The following GGNBP2 variants were observed in gnomAD, a reference collection of about 807,000 sequenced individuals.
GGNBP2 encodes gametogenetin binding protein 2.
In GGNBP2, 10 loss-of-function variants were observed where a neutral mutation model predicts 85.9. That is an observed-to-expected ratio of 0.12 (90% CI 0.07 to 0.20). GGNBP2 has a LOEUF of 0.20. GGNBP2 is among the 10% of genes least tolerant of loss of function. The probability of loss-of-function intolerance (pLI) is 1.00; values close to 1 mark genes in which losing one functional copy is unlikely to be tolerated. For synonymous variants in GGNBP2, 287 were observed against 285.7 expected (o/e 1.00, Z -0.05); for missense variants, 595 against 857.8 (o/e 0.69, Z 3.83).
chr17:36,563,339 A>G (rs1463572158), intron 5 of GGNBP2, among the ~76,000 whole-genome samples: 3 of 152,138 alleles, frequency 2.0e-5, no homozygotes, highest in African/African-American at 4.8e-5. Flanking sequence ...AAAAAATACA[A>G]TGATTGAACC....
At chr17:36,557,926 A>G (rs1486474314) in intron 4 of GGNBP2, among the ~76,000 whole-genome samples, 1 of 151,252 alleles carries the variant, frequency 6.6e-6, no homozygotes, top group Non-Finnish European at 1.5e-5. Flanking sequence ...ATCCTGACCA[A>G]CGTGGTGAAA....
At chr17:36,583,266 A>G (rs948767767) in intron 9 of GGNBP2, among the ~76,000 whole-genome samples, 17 of 151,474 alleles carry the variant, frequency 1.1e-4, no homozygotes, top group Admixed American at 7.9e-4. Context: ...GTTGGCCAGG[A>G]TGGCCTCGAT....
chr17:36,561,214 C>A (rs1027447141), intron 5 of GGNBP2, among the ~76,000 whole-genome samples: 1 of 152,020 alleles, frequency 6.6e-6, no homozygotes, highest in Non-Finnish European at 1.5e-5. Context: ...ACCTCCACCT[C>A]CCTGGTTCAA....
In GGNBP2 at chr17:36,585,311, C is replaced by G; in HGVS notation, c.1227C>G (p.Phe409Leu). The G allele has an allele frequency of 6.2e-7, 1 of 1,611,944 alleles. No individual in the cohort carries two copies. The highest frequency in any genetic ancestry group is 8.5e-7 in the Non-Finnish European group (1 of 1,179,300). ...GTTGATCCTTAAAGGAAACAGACTT[C>G]ATAGAAAATAGCAGCTGCAAAGCCT... ...KEVSQEKETD[F>L]IENSSCKACG... The change falls in exon 10 of 14, where the codon TTC becomes TTG. Residue 409 changes from phenylalanine (F) to leucine (L), a missense_variant. By Grantham distance (22) the Phe-to-Leu change is conservative (BLOSUM62 0). This residue lies in a region of GGNBP2 where 85 missense variants were observed against 92.6 expected (regional missense o/e 0.92). Coordinates refer to ENST00000613102, the MANE Select transcript of GGNBP2 (RefSeq NM_024835.5).
chr17:36,574,731 T>A (rs967881014), intron 6 of GGNBP2: 3 of 630,542 alleles, frequency 4.8e-6, no homozygotes, highest in Non-Finnish European at 8.5e-6. Flanking sequence ...ACTGAGACGA[T>A]GCCAGTGCCT....
chr17:36,549,941 C>CTT (rs573719806), intron 2 of GGNBP2, among the ~76,000 whole-genome samples: 44 of 143,638 alleles, frequency 3.1e-4, no homozygotes, highest in African/African-American at 1.1e-3. Flanking sequence ...TATGATATTT[C>CTT]TTTTTTTTTT....
intron 7 of GGNBP2, 162 bp from the exon 8 acceptor site, chr17:36,579,083 G>A (rs920917964): frequency 5.1e-6 from 3 of 593,404 alleles, no homozygotes; most frequent in Non-Finnish European, 6.0e-6. Context: ...CATTGGTTGT[G>A]GACATGCATG....
intron 2 of GGNBP2, 34 bp downstream of exon 2, chr17:36,545,851 C>A: frequency 6.9e-7 from 1 of 1,457,482 alleles, no homozygotes; most frequent in Non-Finnish European, 9.4e-7. Context: ...GCCCGCCGCT[C>A]CCCTGGCAGC....
At chr17:36,559,832 C>T (rs995571808) in intron 4 of GGNBP2, among the ~76,000 whole-genome samples, 4 of 151,928 alleles carry the variant, frequency 2.6e-5, no homozygotes, top group African/African-American at 9.7e-5. Flanking sequence ...AGCTTTTATT[C>T]TATCTTATTT....
At chr17:36,558,139 C>T (rs925368474) in intron 4 of GGNBP2, among the ~76,000 whole-genome samples, 2 of 151,552 alleles carry the variant, frequency 1.3e-5, no homozygotes, top group African/African-American at 2.4e-5. Flanking sequence ...AGCGACTGGG[C>T]GCGGTGGCTC....
At chr17:36,577,683 T>G (rs958381147) in intron 6 of GGNBP2, 1 of 409,052 alleles carries the variant, frequency 2.4e-6, no homozygotes, top group African/African-American at 2.0e-5. Context: ...ATATGCTAGT[T>G]CTTGGCAACT....
chr17:36,560,864 C>A lies in GGNBP2; in HGVS notation c.520C>A (p.Pro174Thr), dbSNP rs757323897. ...CTCCTTAGATACGCACAAGCCAAAA[C>A]CTTTGGGGTAAGTAGAATTGAATAC... ...LHSLDTHKPK[P>T]LGGCWMDVWE... Residue 174 changes from proline (P) to threonine (T), a missense_variant, in exon 5 of 14, where the codon CCT becomes ACT. Pro to Thr is a conservative substitution (Grantham distance 38, BLOSUM62 -1). This residue lies in a region of GGNBP2 where 216 missense variants were observed against 293.4 expected (regional missense o/e 0.74). Transcript: ENST00000613102. 6.4e-7 allele frequency: 1 copy of A among 1,558,752 alleles called. No homozygotes were observed. The highest frequency in any genetic ancestry group is 8.7e-7 in the Non-Finnish European group (1 of 1,144,510).
Position 36,581,731 on chromosome 17 carries a change from A to G in GGNBP2, c.1215+193A>G, listed in dbSNP as rs142137899. On this transcript the variant is annotated intron_variant, in intron 9 of 13. Transcript: ENST00000613102. ...TCTCTATCTCTATTTATTTTATTTT[A>G]TTTTTTTAATAAAAATAAAAAGTAC... is the stretch of plus-strand genomic sequence containing the variant. The G allele has an allele frequency of 2.2e-5, 8 of 368,562 alleles. No homozygotes were observed. The East Asian group carries it at 3.3e-4, about 15-fold the overall frequency. 22.8% of individuals were successfully genotyped at this position (368,562 alleles called of 1,614,324 possible).
At chr17:36,550,767 AATGCTAATG>A (rs1254380755) in intron 2 of GGNBP2, among the ~76,000 whole-genome samples, 1 of 152,196 alleles carries the variant, frequency 6.6e-6, no homozygotes, top group African/African-American at 2.4e-5. Flanking sequence ...CATGAAGCTG[AATGCTAATG>A]ATGCCTCTAT....
chr17:36,568,848 C>G (rs2074494690), intron 6 of GGNBP2, among the ~76,000 whole-genome samples: 1 of 151,916 alleles, frequency 6.6e-6, no homozygotes, highest in African/African-American at 2.4e-5. Flanking sequence ...TGCTGACTCC[C>G]TGGTTCAAGA....
chr17:36,546,113 C>T (rs568295680), intron 2 of GGNBP2: 9 of 436,436 alleles, frequency 2.1e-5, no homozygotes, highest in African/African-American at 1.8e-4. Context: ...AAGCACACAT[C>T]TCAGAGAGGG....
intron 6 of GGNBP2, among the ~76,000 whole-genome samples, chr17:36,571,495 G>A (rs1223274641): frequency 6.6e-6 from 1 of 151,900 alleles, no homozygotes; most frequent in Non-Finnish European, 1.5e-5. Context: ...GTTGCGGTGA[G>A]CCAAGATTAC....
chr17:36,558,519 G>C (rs930227954), intron 4 of GGNBP2, among the ~76,000 whole-genome samples: 3 of 146,892 alleles, frequency 2.0e-5, no homozygotes, highest in South Asian at 2.3e-4. Flanking sequence ...GCAATGGCTC[G>C]ATCTCAGCTC....
intron 8 of GGNBP2, among the ~76,000 whole-genome samples, chr17:36,580,300 T>C (rs1439047842): frequency 1.3e-5 from 2 of 150,602 alleles, no homozygotes; most frequent in Non-Finnish European, 3.0e-5. Context: ...CTCCACCTCC[T>C]GGGTTCACAC....
Sources: gnomAD v4.1 joint callset for allele counts (sites outside exome capture counted in the v4.1 genomes callset) on GRCh38, gnomAD v4.1.1 for gene constraint, gnomAD v4.1.1 regional missense constraint, MANE v1.5 for transcripts, NCBI Gene and HGNC (gene_info 2026-07-23, HGNC 2026-07-21) for gene names.